The following PCNX2 variants were observed in gnomAD, a reference collection of about 807,000 sequenced individuals.
The protein encoded by PCNX2 is pecanex 2.
PCNX2 carries 168 observed loss-of-function variants against 223.8 expected under a neutral mutation model. The observed-to-expected ratio is 0.75, with a 90% CI of 0.66 to 0.85. The LOEUF (loss-of-function observed/expected upper bound fraction) is 0.85, where lower values mean the gene tolerates loss of function less well. Ranked by LOEUF, PCNX2 falls within the 40% of genes least tolerant of loss-of-function variation. The pLI is 0.00. For synonymous variants in PCNX2, 1,006 were observed against 1,052.6 expected, an observed-to-expected ratio of 0.96 and a Z score of 0.86; for missense variants, 2,507 against 2,675.5, an observed-to-expected ratio of 0.94 and a Z score of 1.39.
rs139508359 is a variant in PCNX2, at chr1:233,161,382, C to T, written c.3274-19G>A. 87 of 1,601,900 alleles carry T rather than the reference C, an allele frequency of 5.4e-5. 1 individual carries two copies. In the Middle Eastern group the frequency reaches 2.4e-3, roughly 44 times the overall value. On this transcript the variant is annotated intron_variant, in intron 17 of 33. Transcript: ENST00000258229. ...CATCCGTCTGGAAAGAGAAAACCAG[C>T]GGTAAAGGCGACTCTTCATTTCTCT... is the stretch of plus-strand genomic sequence containing the variant.
At chr1:233,140,157 CATCTT>C (rs1489470173) in intron 19 of PCNX2, among the ~76,000 whole-genome samples, 1 of 149,208 alleles carries the variant, frequency 6.7e-6, no homozygotes, top group Non-Finnish European at 1.5e-5. Flanking sequence ...AGCATCAAGT[CATCTT>C]AGCGTAGTAA....
chr1:233,190,594 G>A (rs778445952), intron 15 of PCNX2, among the ~76,000 whole-genome samples: 8 of 152,058 alleles, frequency 5.3e-5, no homozygotes, highest in Admixed American at 1.3e-4. Context: ...GCAAATGATC[G>A]TTGTTCTATG....
chr1:232,988,656 ATGTT>A (rs1259965281), intron 32 of PCNX2, among the ~76,000 whole-genome samples: 1 of 152,100 alleles, frequency 6.6e-6, no homozygotes, highest in Non-Finnish European at 1.5e-5. Context: ...TTTGTCTTTG[ATGTT>A]ATCTGAACAA....
At chr1:233,002,472 G>A (rs1302548695) in intron 28 of PCNX2, among the ~76,000 whole-genome samples, 4 of 152,206 alleles carry the variant, frequency 2.6e-5, no homozygotes, top group African/African-American at 4.8e-5. Flanking sequence ...CCTCTTCAAG[G>A]AGAACTACAA....
intron 32 of PCNX2, among the ~76,000 whole-genome samples, chr1:232,995,711 A>G (rs1407519967): frequency 6.6e-6 from 1 of 152,164 alleles, no homozygotes; most frequent in Non-Finnish European, 1.5e-5. Flanking sequence ...TCCTGCTCTG[A>G]CATCTTCCAC....
chr1:233,261,492 C>T (rs1218708548), intron 3 of PCNX2, among the ~76,000 whole-genome samples, 171 bp from the exon 4 acceptor site: 2 of 152,066 alleles, frequency 1.3e-5, no homozygotes, highest in Non-Finnish European at 2.9e-5. Flanking sequence ...AGAATGGATA[C>T]AAACATATGT....
the PCNX2 span, among the ~76,000 whole-genome samples, chr1:233,309,652 C>T: frequency 2.6e-5 from 4 of 151,652 alleles, no homozygotes; most frequent in South Asian, 2.1e-4. Context: ...CTGAGGAGGG[C>T]GGATCCCCTG....
At chr1:233,287,555 G>A (rs1375310457) in intron 1 of PCNX2, among the ~76,000 whole-genome samples, 1 of 152,192 alleles carries the variant, frequency 6.6e-6, no homozygotes. Context: ...TGTAAGACGT[G>A]ACTTTGCTCC....
intron 1 of PCNX2, among the ~76,000 whole-genome samples, chr1:233,281,584 T>G (rs1048987479): frequency 6.6e-6 from 1 of 152,190 alleles, no homozygotes; most frequent in South Asian, 2.1e-4. Flanking sequence ...TTTCCCATGA[T>G]AGAAAAAAAT....
Position 232,999,370 on chromosome 1 carries a change from C to A in PCNX2, c.5338G>T (p.Glu1780Ter), listed in dbSNP as rs751448614. ...LSFKVIKVNK[E>*]CVRGLWAGQQ... is the part of the protein sequence containing the mutation. ...CCGGCCCAAAGTCCTCGGACGCATT[C>A]TTTGTTAACCTGCAGGTCAGAGAGG... is the stretch of plus-strand genomic sequence containing the variant. The change falls in exon 31 of 34, where the codon GAA becomes TAA. Residue 1780 changes from glutamate (E) to a stop codon, truncating the protein, a stop_gained. Coordinates refer to ENST00000258229, the MANE Select transcript of PCNX2 (RefSeq NM_014801.4). LOFTEE classifies it high-confidence loss of function. 6.3e-7 allele frequency: 1 copy of A among 1,592,624 alleles called. No individual in the cohort carries two copies. Among genetic ancestry groups the A allele is most frequent in the African/African-American group, 1.3e-5 (1 of 74,516 alleles).
chr1:232,999,471 GAGAT>G, intron 30 of PCNX2, 92 bp from the exon 31 acceptor site: 1 of 958,332 alleles, frequency 1.0e-6, no homozygotes, highest in Non-Finnish European at 1.4e-6. Flanking sequence ...TTTTTTTTTT[GAGAT>G]AGAGTTTCGC....
chr1:233,305,808 T>C, the PCNX2 span, among the ~76,000 whole-genome samples: 7 of 151,984 alleles, frequency 4.6e-5, no homozygotes, highest in African/African-American at 1.7e-4. Flanking sequence ...AACTAGAAAA[T>C]ATCCACTTAA....
chr1:233,258,627 G>C lies in PCNX2; in HGVS notation c.1235C>G (p.Pro412Arg). The C allele has an allele frequency of 6.2e-7, 1 of 1,613,954 alleles. No homozygotes were observed. Among genetic ancestry groups the C allele is most frequent in the Non-Finnish European group, 8.5e-7 (1 of 1,179,876 alleles). The change falls in exon 5 of 34, where the codon CCC becomes CGC. Residue 412 changes from proline (P) to arginine (R), a missense_variant. Physicochemically the swap from Pro to Arg is moderately radical, Grantham distance 103 (BLOSUM62 -2). Coordinates refer to ENST00000258229, the MANE Select transcript of PCNX2 (RefSeq NM_014801.4). ...AGAACCGGCCGCCCCTGGGTTAGTG[G>C]GCTCAGCGTCAGACTTTACACTGGT... is the stretch of plus-strand genomic sequence containing the variant. ...EKTSVKSDAE[P>R]TNPGAAGSPN...
intron 25 of PCNX2, chr1:233,033,104 G>A: frequency 1.0e-6 from 1 of 985,396 alleles, no homozygotes; most frequent in Non-Finnish European, 1.2e-6. Context: ...CGGCAGAGAT[G>A]AATGTCAAGC....
At chr1:233,319,617 T>A in the PCNX2 span, among the ~76,000 whole-genome samples, 1 of 152,378 alleles carries the variant, frequency 6.6e-6, no homozygotes, top group East Asian at 1.9e-4. Context: ...CTGCCCGTGT[T>A]ATCACAAGGT....
chr1:233,018,992 C>G (rs1485538879), intron 26 of PCNX2: 1 of 985,340 alleles, frequency 1.0e-6, no homozygotes. Flanking sequence ...TCTAGGGGGG[C>G]CCCCACCCTC....
In PCNX2 at chr1:233,009,875, A is replaced by T. The variant is rs112229073; in HGVS notation, c.4952+4790T>A. Among the ~76,000 whole-genome samples the T allele has an allele frequency of 1.9e-3, 290 of 152,348 alleles. 1 individual carries two copies. The highest frequency in any genetic ancestry group is 6.9e-3 in the African/African-American group (285 of 41,580). Reference sequence around the variant, plus strand: ...GAACCTGGAGGAGAGCCCATACGCCAGGCCCAGGTGGGAGGGGCTTTGCCA... The same window carrying T: ...GAACCTGGAGGAGAGCCCATACGCCTGGCCCAGGTGGGAGGGGCTTTGCCA... On this transcript the variant is annotated intron_variant, in intron 28 of 33. Coordinates refer to ENST00000258229, the MANE Select transcript of PCNX2 (RefSeq NM_014801.4).
intron 23 of PCNX2, among the ~76,000 whole-genome samples, chr1:233,066,786 C>T (rs1461792231): frequency 1.3e-5 from 2 of 152,162 alleles, no homozygotes; most frequent in Non-Finnish European, 2.9e-5. Flanking sequence ...TCCTCCCTTG[C>T]CAGGCAATAA....
intron 17 of PCNX2, among the ~76,000 whole-genome samples, chr1:233,176,544 G>A (rs891939690): frequency 6.6e-5 from 10 of 152,344 alleles, no homozygotes; most frequent in South Asian, 6.2e-4. Flanking sequence ...CACATCAGGA[G>A]GGCAGGTTGG....
Sources: allele counts gnomAD v4.1 joint callset (sites outside exome capture counted in the v4.1 genomes callset), GRCh38; gene constraint gnomAD v4.1.1; transcripts MANE v1.5; gene names NCBI Gene and HGNC (gene_info 2026-07-23, HGNC 2026-07-21).